Variants in MECOM observed in about 807,000 individuals in gnomAD.
MECOM encodes the protein MDS1 and EVI1 complex locus.
In MECOM, 13 loss-of-function variants were observed where a neutral mutation model predicts 116.3. That is an observed-to-expected ratio of 0.11 (90% CI 0.07 to 0.18). The LOEUF is 0.18. Among genes scored for constraint, MECOM ranks in the 10% least tolerant of loss-of-function variants. The pLI, the probability that MECOM is intolerant of heterozygous loss-of-function variation, is 1.00. For synonymous variants in MECOM, 528 were observed against 535.2 expected, an observed-to-expected ratio of 0.99 and a Z score of 0.19; for missense variants, 1,299 against 1,509.0, an observed-to-expected ratio of 0.86 and a Z score of 2.31.
chr3:169,473,287 C>T (rs1411724280), intron 1 of MECOM, among the ~76,000 whole-genome samples: 1 of 152,084 alleles, frequency 6.6e-6, no homozygotes, highest in Non-Finnish European at 1.5e-5. Context: ...GGCCTTCATC[C>T]TAATCCACAG....
intron 2 of MECOM, among the ~76,000 whole-genome samples, chr3:169,226,705 A>C (rs1182409624): frequency 1.3e-5 from 2 of 152,226 alleles, no homozygotes; most frequent in Admixed American, 6.5e-5. Flanking sequence ...ATAAACAATG[A>C]TCAATAATGG....
At chr3:169,109,856 T>G (rs1427320763) in intron 9 of MECOM, among the ~76,000 whole-genome samples, 1 of 152,242 alleles carries the variant, frequency 6.6e-6, no homozygotes, top group African/African-American at 2.4e-5. Context: ...AATTATGGAA[T>G]GGGAAGGAAT....
intron 1 of MECOM, among the ~76,000 whole-genome samples, chr3:169,440,551 T>A (rs1487827643): frequency 3.7e-5 from 1 of 26,806 alleles, no homozygotes; most frequent in African/African-American, 1.5e-4. Context: ...GGGGATGGGG[T>A]GGGAGGAGGG....
intron 2 of MECOM, among the ~76,000 whole-genome samples, chr3:169,193,859 T>C (rs1252072530): frequency 6.6e-6 from 1 of 151,994 alleles, no homozygotes; most frequent in Non-Finnish European, 1.5e-5. Context: ...TGTTTAAGAC[T>C]AAAGAGAAAT....
chr3:169,090,262 C>T (rs1325289769), intron 14 of MECOM, 26 bp from the exon 15 acceptor site: 3 of 1,567,214 alleles, frequency 1.9e-6, no homozygotes, highest in Non-Finnish European at 2.6e-6. Context: ...AAAAAAAAGT[C>T]CAATTGTTGG....
chr3:169,327,463 C>A (rs1722025769), intron 2 of MECOM, among the ~76,000 whole-genome samples: 2 of 151,786 alleles, frequency 1.3e-5, no homozygotes, highest in Admixed American at 1.3e-4. Context: ...CATAGAGAAA[C>A]CCCGTCTGTA....
chr3:169,462,362 T>G (rs771848779), intron 1 of MECOM, among the ~76,000 whole-genome samples: 4 of 152,302 alleles, frequency 2.6e-5, no homozygotes, highest in African/African-American at 9.6e-5. Flanking sequence ...GACAGCCAGA[T>G]GTTTTTACTT....
intron 5 of MECOM, among the ~76,000 whole-genome samples, chr3:169,124,191 C>T (rs890839416): frequency 2.6e-5 from 4 of 151,914 alleles, no homozygotes; most frequent in East Asian, 3.9e-4. Context: ...AAACACTGAG[C>T]GTAAATCCCA....
intron 2 of MECOM, chr3:169,146,107 T>A (rs1739815863): frequency 2.4e-6 from 1 of 413,022 alleles, no homozygotes. Flanking sequence ...AACACACTCC[T>A]GTGTTTTTAA....
chr3:169,288,350 T>TA (rs145259155), intron 2 of MECOM, among the ~76,000 whole-genome samples: 5,365 of 152,248 alleles, frequency 0.035, 273 homozygotes, highest in African/African-American at 0.12. Flanking sequence ...TGCTACAACA[T>TA]AAAGAGTATC....
chr3:169,471,296 T>C (rs1349576847), intron 1 of MECOM, among the ~76,000 whole-genome samples: 2 of 151,962 alleles, frequency 1.3e-5, no homozygotes, highest in East Asian at 1.9e-4. Flanking sequence ...CCAGCCTCAA[T>C]GTCTCTTTTT....
chr3:169,139,115 C>A (rs969098212), intron 3 of MECOM, among the ~76,000 whole-genome samples: 6 of 152,102 alleles, frequency 3.9e-5, no homozygotes, highest in Admixed American at 1.3e-4. Flanking sequence ...CTGGCAGAAT[C>A]CTTAAGTGAA....
intron 1 of MECOM, among the ~76,000 whole-genome samples, chr3:169,454,261 C>T (rs1343809265): frequency 6.6e-6 from 1 of 152,004 alleles, no homozygotes; most frequent in Non-Finnish European, 1.5e-5. Flanking sequence ...GTCTTGAGAA[C>T]AGCTTCATAA....
intron 2 of MECOM, among the ~76,000 whole-genome samples, chr3:169,263,150 A>G (rs1757812712): frequency 2.0e-5 from 2 of 99,468 alleles, no homozygotes; most frequent in African/African-American, 4.2e-5. Context: ...TTTTTTTGAG[A>G]CAGAGTCTCG....
chr3:169,521,432 A>G (rs1301880639), intron 1 of MECOM, among the ~76,000 whole-genome samples: 1 of 152,178 alleles, frequency 6.6e-6, no homozygotes, highest in Non-Finnish European at 1.5e-5. Flanking sequence ...GTCCATTCCC[A>G]AGAAAAAGAA....
intron 1 of MECOM, among the ~76,000 whole-genome samples, chr3:169,385,229 G>T (rs562995743): frequency 6.6e-6 from 1 of 151,946 alleles, no homozygotes; most frequent in South Asian, 2.1e-4. Flanking sequence ...AGTGCATTTA[G>T]ATTTCAGTTC....
chr3:169,348,923 G>C (rs1023447358), intron 2 of MECOM, among the ~76,000 whole-genome samples: 1 of 151,798 alleles, frequency 6.6e-6, no homozygotes, highest in African/African-American at 2.4e-5. Flanking sequence ...TTCAAATATT[G>C]AGTTGTTTTA....
At chr3:169,656,960 T>C (rs931468816) in intron 1 of MECOM, among the ~76,000 whole-genome samples, 9 of 152,358 alleles carry the variant, frequency 5.9e-5, no homozygotes, top group African/African-American at 2.2e-4. Context: ...ATAGGACTTG[T>C]GGTTTTTTCA....
At chr3:169,438,935 A>G (rs911396202) in intron 1 of MECOM, among the ~76,000 whole-genome samples, 1 of 152,084 alleles carries the variant, frequency 6.6e-6, no homozygotes, top group Non-Finnish European at 1.5e-5. Flanking sequence ...TAAATTAAAA[A>G]CAATCTCAAG....
Sources: gnomAD v4.1 joint callset for allele counts (sites outside exome capture counted in the v4.1 genomes callset) on GRCh38, gnomAD v4.1.1 for gene constraint, MANE v1.5 for transcripts, NCBI Gene and HGNC (gene_info 2026-07-23, HGNC 2026-07-21) for gene names.